DNAJC9: variants seen among roughly 807,000 people sequenced by gnomAD.
DNAJC9 encodes DnaJ heat shock protein family (Hsp40) member C9.
DNAJC9 carries 18 observed loss-of-function variants against 32.4 expected under a neutral mutation model. The ratio of observed to expected loss-of-function variants is 0.56; its 90% CI spans 0.38 to 0.82. The LOEUF is 0.82. Among genes scored for constraint, DNAJC9 ranks in the 40% least tolerant of loss-of-function variants. DNAJC9 has a pLI of 0.00. For missense variants in DNAJC9, 310 were observed against 321.8 expected (o/e 0.96, Z 0.28); for synonymous variants, 113 against 122.1 (o/e 0.93, Z 0.49).
In DNAJC9 at chr10:73,243,018, G is replaced by A. The variant is rs2043971120; in HGVS notation, c.*382C>T. On this transcript the variant is annotated 3_prime_UTR_variant, in exon 5 of 5. Transcript: ENST00000372950. ...GCTGTCCAGCAAGTGTCTGGAAGGT[G>A]TTCTAGCTGGGTAGAGAGCCTATTC... The A allele has an allele frequency of 5.5e-6, 1 of 181,950 alleles. No individual in the cohort carries two copies. Among genetic ancestry groups the A allele is most frequent in the Non-Finnish European group, 1.2e-5 (1 of 86,636 alleles). The allele number at this position is 181,950 out of a possible 1,614,324, so 11.3% of individuals were successfully genotyped here. A position where few individuals can be genotyped will look rare whatever the true frequency, so the allele number is the denominator to read the frequency against.
downstream of DNAJC9, among the ~76,000 whole-genome samples, chr10:73,235,872 C>T (rs915585174): frequency 6.6e-5 from 10 of 152,166 alleles, no homozygotes; most frequent in Non-Finnish European, 1.3e-4. Context: ...AATGCTGACA[C>T]TGCCTACCAT....
chr10:73,243,574 A>G (rs2043976909), intron 4 of DNAJC9, 55 bp from the exon 5 acceptor site: 5 of 1,600,862 alleles, frequency 3.1e-6, no homozygotes, highest in Non-Finnish European at 4.3e-6. Context: ...GACAGAAAGT[A>G]CCTAGTGGTT....
downstream of DNAJC9, chr10:73,239,285 A>G (rs775912869): frequency 5.1e-5 from 78 of 1,536,600 alleles, no homozygotes; most frequent in South Asian, 8.2e-4. Context: ...ATGCATCATA[A>G]GAAGTGTCTC....
chr10:73,246,860 T>C (rs748071191), intron 1 of DNAJC9, 32 bp from the exon 2 acceptor site: 3 of 1,611,588 alleles, frequency 1.9e-6, no homozygotes, highest in Non-Finnish European at 2.5e-6. Flanking sequence ...AAATCACCCC[T>C]GCTCCTCCCA....
chr10:73,237,882 C>T (rs921662215), downstream of DNAJC9, among the ~76,000 whole-genome samples: 2 of 152,084 alleles, frequency 1.3e-5, no homozygotes, highest in African/African-American at 4.8e-5. Flanking sequence ...CACCTCTGCA[C>T]CTGGCTAAAA....
At chr10:73,236,590 T>C (rs1253614766), downstream of DNAJC9, among the ~76,000 whole-genome samples, 1 of 151,894 alleles carries the variant, frequency 6.6e-6, no homozygotes, top group Non-Finnish European at 1.5e-5. Flanking sequence ...ATTTTTGTAA[T>C]TTTACTAGAG....
At chr10:73,241,661 C>T (rs1307971099), downstream of DNAJC9, 1 of 152,280 alleles carries the variant, frequency 6.6e-6, no homozygotes, top group Non-Finnish European at 1.5e-5. Flanking sequence ...ACGATGCCTA[C>T]CTGATGCCAG....
chr10:73,238,830 T>C (rs1268102389), downstream of DNAJC9: 1 of 152,552 alleles, frequency 6.6e-6, no homozygotes, highest in African/African-American at 2.4e-5. Flanking sequence ...TCTACATTTT[T>C]TAATTCCTTG....
downstream of DNAJC9, among the ~76,000 whole-genome samples, chr10:73,236,413 C>CTTTTTT (rs571460371): frequency 2.3e-5 from 3 of 133,302 alleles, no homozygotes; most frequent in Non-Finnish European, 4.8e-5. Context: ...CAATTTCTGC[C>CTTTTTT]TTTTTTTTTT....
chr10:73,234,014 G>A (rs2043767295), downstream of DNAJC9: 3 of 152,164 alleles, frequency 2.0e-5, no homozygotes, highest in Admixed American at 6.5e-5. Context: ...TACACACTCT[G>A]AGCCTCATCA....
intron 3 of DNAJC9, 110 bp from the exon 4 acceptor site, chr10:73,244,039 T>C (rs780569451): frequency 6.3e-5 from 53 of 837,834 alleles, no homozygotes; most frequent in Admixed American, 1.1e-4. Context: ...AATATATGAA[T>C]AGACAAAATG....
At chr10:73,246,941 G>T in intron 1 of DNAJC9, 69 bp downstream of exon 1, 1 of 1,570,158 alleles carries the variant, frequency 6.4e-7, no homozygotes, top group Non-Finnish European at 8.6e-7. Flanking sequence ...CCCGGGGCGG[G>T]GCCCGGTAGC....
chr10:73,242,085 T>C lies in DNAJC9; in HGVS notation c.*1315A>G, dbSNP rs1338454227. ...CATAAATTACGGTAACTTTTTATTA[T>C]ACCAAGGTGTTCTAATGCCATCATA... On this transcript the variant is annotated 3_prime_UTR_variant, in exon 5 of 5. Coordinates refer to ENST00000372950, the MANE Select transcript of DNAJC9 (RefSeq NM_015190.5). The C allele has an allele frequency of 6.6e-6, 1 of 152,226 alleles. No individual in the cohort carries two copies. Among genetic ancestry groups the C allele is most frequent in the Non-Finnish European group, 1.5e-5 (1 of 68,038 alleles). 9.4% of individuals were successfully genotyped at this position (152,226 alleles called of 1,614,324 possible). A position where few individuals can be genotyped will look rare whatever the true frequency, so the allele number is the denominator to read the frequency against.
chr10:73,236,886 T>A (rs753233251), downstream of DNAJC9, among the ~76,000 whole-genome samples: 3 of 151,920 alleles, frequency 2.0e-5, no homozygotes, highest in African/African-American at 4.8e-5. Context: ...CTGCTAATTT[T>A]TTTATTTTGT....
In DNAJC9 at chr10:73,243,309, G is replaced by C. The variant is rs2043974442; in HGVS notation, c.*91C>G. ...GCTGGAAAGACACCTTTTCTCAAGA[G>C]CTGAATTGACTTTTGCCTTCAAATC... is the stretch of plus-strand genomic sequence containing the variant. On this transcript the variant is annotated 3_prime_UTR_variant, in exon 5 of 5. Transcript: ENST00000372950. 4.1e-6 allele frequency: 6 copies of C among 1,447,800 alleles called. No homozygotes were observed. Among genetic ancestry groups the C allele is most frequent in the Non-Finnish European group, 4.7e-6 (5 of 1,055,586 alleles). 89.7% of individuals were successfully genotyped at this position (1,447,800 alleles called of 1,614,324 possible).
chr10:73,237,200 T>C (rs772154035), downstream of DNAJC9, among the ~76,000 whole-genome samples: 1 of 152,134 alleles, frequency 6.6e-6, no homozygotes, highest in Non-Finnish European at 1.5e-5. Flanking sequence ...GACATAAATT[T>C]TGAGGGAACA....
At chr10:73,241,007 G>A (rs967008258), downstream of DNAJC9, 3 of 1,538,916 alleles carry the variant, frequency 1.9e-6, no homozygotes, top group African/African-American at 4.3e-5. Flanking sequence ...CTCGAACCAG[G>A]CAGGGACCAT....
intron 3 of DNAJC9, among the ~76,000 whole-genome samples, chr10:73,244,826 A>G (rs1198452350): frequency 6.7e-6 from 1 of 150,328 alleles, no homozygotes; most frequent in Non-Finnish European, 1.5e-5. Context: ...TAATGCTATT[A>G]ATACTGAGGA....
In DNAJC9 at chr10:73,246,779, A is replaced by G; in HGVS notation, c.230T>C (p.Val77Ala). Residue 77 changes from valine (V) to alanine (A), a missense_variant, in exon 2 of 5, where the codon GTG becomes GCG. Coordinates refer to ENST00000372950, the MANE Select transcript of DNAJC9 (RefSeq NM_015190.5). ...GTCCACTGTTCCCTGCTCATCGTAC[A>G]CTGCTCTCTGTTCTCTGTCACTGAG... The part of the protein sequence containing the change: ...SVLSDREQRA[V>A]YDEQGTVDED... 1.2e-6 allele frequency: 2 copies of G among 1,614,140 alleles called. No individual in the cohort carries two copies. The highest frequency in any genetic ancestry group is 1.7e-6 in the Non-Finnish European group (2 of 1,180,004).
Sources: allele counts gnomAD v4.1 joint callset (sites outside exome capture counted in the v4.1 genomes callset), GRCh38; gene constraint gnomAD v4.1.1; transcripts MANE v1.5; gene names NCBI Gene and HGNC (gene_info 2026-07-23, HGNC 2026-07-21).